The following CNTN3 variants were observed in gnomAD, a reference collection of about 807,000 sequenced individuals.
CNTN3 encodes the protein contactin 3, also known as contactin-3.
CNTN3 carries 60 observed loss-of-function variants against 119.1 expected under a neutral mutation model. The ratio of observed to expected loss-of-function variants is 0.50; its 90% CI spans 0.41 to 0.62. CNTN3 has a LOEUF of 0.62. Ranked by LOEUF, CNTN3 falls within the 20% of genes least tolerant of loss-of-function variation. The probability of loss-of-function intolerance (pLI) is 0.00; values close to 1 mark genes in which losing one functional copy is unlikely to be tolerated. For synonymous variants in CNTN3, 450 were observed against 438.7 expected (o/e 1.03, Z -0.32); for missense variants, 1,101 against 1,242.4 (o/e 0.89, Z 1.71).
chr3:74,341,000 A>G (rs1040306079), intron 11 of CNTN3, among the ~76,000 whole-genome samples: 5 of 152,182 alleles, frequency 3.3e-5, no homozygotes, highest in African/African-American at 4.8e-5. Context: ...ACTTTAATTA[A>G]GCAAACTTCA....
intron 21 of CNTN3, among the ~76,000 whole-genome samples, chr3:74,266,929 G>A (rs922005026): frequency 2.0e-5 from 3 of 152,112 alleles, no homozygotes; most frequent in Non-Finnish European, 4.4e-5. Flanking sequence ...CAGGGCCATA[G>A]TGTATGGACC....
At chr3:74,450,149 A>T (rs80163439) in intron 4 of CNTN3, among the ~76,000 whole-genome samples, 3,445 of 152,236 alleles carry the variant, frequency 0.023, 118 homozygotes, top group African/African-American at 0.074. Flanking sequence ...AATGGTAGCT[A>T]TATTTCTTTA....
At chr3:74,425,630 A>G (rs1349893477) in intron 4 of CNTN3, among the ~76,000 whole-genome samples, 1 of 152,212 alleles carries the variant, frequency 6.6e-6, no homozygotes, top group Non-Finnish European at 1.5e-5. Flanking sequence ...CATAAATATG[A>G]CTTTCACATT....
intron 11 of CNTN3, among the ~76,000 whole-genome samples, chr3:74,338,515 T>C (rs558450784): frequency 6.6e-6 from 1 of 150,700 alleles, no homozygotes; most frequent in East Asian, 1.9e-4. Flanking sequence ...TGTATACACA[T>C]ATGTGTGTAT....
chr3:74,268,157 C>A (rs1701701271), intron 20 of CNTN3, among the ~76,000 whole-genome samples: 1 of 152,062 alleles, frequency 6.6e-6, no homozygotes, highest in Non-Finnish European at 1.5e-5. Context: ...AACTTAGATT[C>A]ATAATTTAGT....
intron 4 of CNTN3, among the ~76,000 whole-genome samples, chr3:74,465,773 AG>A (rs1200751522): frequency 1.3e-5 from 2 of 152,160 alleles, no homozygotes; most frequent in Non-Finnish European, 2.9e-5. Flanking sequence ...GTCCAGGGAT[AG>A]GCAGGGCTCC....
At chr3:74,476,938 A>G (rs1322843161) in intron 4 of CNTN3, among the ~76,000 whole-genome samples, 3 of 152,274 alleles carry the variant, frequency 2.0e-5, no homozygotes, top group Non-Finnish European at 4.4e-5. Flanking sequence ...GAGATAGAAT[A>G]GATAACGAGA....
At chr3:74,596,966 C>T (rs1315200405) in intron 1 of CNTN3, among the ~76,000 whole-genome samples, 1 of 152,008 alleles carries the variant, frequency 6.6e-6, no homozygotes, top group East Asian at 1.9e-4. Flanking sequence ...TGAAGTATGA[C>T]CAATGTTGCC....
chr3:74,517,113 C>T (rs1302517209), intron 2 of CNTN3, among the ~76,000 whole-genome samples: 1 of 151,860 alleles, frequency 6.6e-6, no homozygotes, highest in African/African-American at 2.4e-5. Flanking sequence ...TAACCAAACT[C>T]AAATTAGAGA....
chr3:74,401,992 G>A (rs897486165), intron 5 of CNTN3, among the ~76,000 whole-genome samples: 2 of 152,128 alleles, frequency 1.3e-5, no homozygotes, highest in African/African-American at 4.8e-5. Context: ...GGTCTTCTTT[G>A]TTTCTTAGAT....
intron 1 of CNTN3, among the ~76,000 whole-genome samples, chr3:74,611,636 C>T (rs747779240): frequency 6.6e-6 from 1 of 152,074 alleles, no homozygotes; most frequent in African/African-American, 2.4e-5. Context: ...TATTCTCTTG[C>T]CAACTATCTT....
At chr3:74,450,505 T>G (rs80147976) in intron 4 of CNTN3, among the ~76,000 whole-genome samples, 5,877 of 149,540 alleles carry the variant, frequency 0.039, 159 homozygotes, top group Non-Finnish European at 0.058. Flanking sequence ...AAGCCCTGTT[T>G]TTTTTTTTTT....
chr3:74,493,388 T>C (rs530207764), intron 3 of CNTN3, among the ~76,000 whole-genome samples: 3 of 152,284 alleles, frequency 2.0e-5, no homozygotes, highest in Admixed American at 6.5e-5. Context: ...TATAAAGCTA[T>C]TGTCTTTCAG....
At chr3:74,582,697 G>C (rs2106670619) in intron 1 of CNTN3, among the ~76,000 whole-genome samples, 1 of 152,174 alleles carries the variant, frequency 6.6e-6, no homozygotes, top group Middle Eastern at 3.4e-3. Flanking sequence ...AGCAAAGAAA[G>C]TAGTAACAGG....
intron 3 of CNTN3, among the ~76,000 whole-genome samples, chr3:74,489,591 A>AT (rs774630260): frequency 5.1e-4 from 77 of 151,602 alleles, no homozygotes; most frequent in Admixed American, 9.2e-4. Flanking sequence ...CATTTTTTAG[A>AT]TTTTTTCCCC....
chr3:74,527,844 T>C (rs1291381181), intron 1 of CNTN3, among the ~76,000 whole-genome samples: 1 of 151,962 alleles, frequency 6.6e-6, no homozygotes, highest in Non-Finnish European at 1.5e-5. Context: ...GACAAGCTTT[T>C]TGTTTAAGAG....
At chr3:74,536,796 G>A (rs555650222) in intron 1 of CNTN3, among the ~76,000 whole-genome samples, 2 of 152,164 alleles carry the variant, frequency 1.3e-5, no homozygotes, top group African/African-American at 2.4e-5. Flanking sequence ...ACAAGTGGAA[G>A]TTTTCACAAA....
intron 4 of CNTN3, among the ~76,000 whole-genome samples, chr3:74,479,224 A>T (rs1196685014): frequency 6.6e-6 from 1 of 152,072 alleles, no homozygotes; most frequent in East Asian, 1.9e-4. Flanking sequence ...CATGTTTTGA[A>T]ACTACAAGGA....
At chr3:74,567,195 T>TACAGACACAATC (rs1704239987) in intron 1 of CNTN3, among the ~76,000 whole-genome samples, 1 of 151,822 alleles carries the variant, frequency 6.6e-6, no homozygotes, top group South Asian at 2.1e-4. Flanking sequence ...CAGGCTGGAG[T>TACAGACACAATC]ACAGACACAA....
Sources: allele counts gnomAD v4.1 joint callset (sites outside exome capture counted in the v4.1 genomes callset), GRCh38; gene constraint gnomAD v4.1.1; transcripts MANE v1.5; gene names NCBI Gene and HGNC (gene_info 2026-07-23, HGNC 2026-07-21).